GTF2H3: variants seen among roughly 807,000 people sequenced by gnomAD.
GTF2H3 encodes general transcription factor IIH subunit 3.
A neutral mutation model predicts 51.1 loss-of-function variants in GTF2H3; 42 were observed. The observed-to-expected ratio is 0.82, with a 90% CI of 0.64 to 1.06. GTF2H3 has a LOEUF of 1.06. Among genes scored for constraint, GTF2H3 ranks in the 50% least tolerant of loss-of-function variants. The pLI, the probability that GTF2H3 is intolerant of heterozygous loss-of-function variation, is 0.00. For missense variants in GTF2H3, 326 were observed against 366.1 expected (o/e 0.89, Z 0.89); for synonymous variants, 123 against 123.8 (o/e 0.99, Z 0.04).
intron 2 of GTF2H3, among the ~76,000 whole-genome samples, chr12:123,642,918 A>G (rs1955397932): frequency 6.6e-6 from 1 of 152,156 alleles, no homozygotes; most frequent in African/African-American, 2.4e-5. Flanking sequence ...TCTGTCGCCC[A>G]GGCTGGAGTG....
At chr12:123,659,727 G>A (rs1175240010) in intron 10 of GTF2H3, 68 bp from the exon 11 acceptor site, 1 of 1,540,292 alleles carries the variant, frequency 6.5e-7, no homozygotes, top group Non-Finnish European at 8.9e-7. Context: ...AGGCCTAGAA[G>A]GGTGGGCTTC....
At chr12:123,640,198 C>G (rs1955349199) in intron 2 of GTF2H3, among the ~76,000 whole-genome samples, 1 of 152,096 alleles carries the variant, frequency 6.6e-6, no homozygotes, top group Non-Finnish European at 1.5e-5. Flanking sequence ...TGGTCCCACT[C>G]TCGACCACAC....
rs370136944 is a variant in GTF2H3, at chr12:123,657,550, A to C, written c.615+1726A>C. 7.9e-5 allele frequency among the ~76,000 whole-genome samples: 12 copies of C among 152,308 alleles called. No homozygotes were observed. The East Asian group carries it at 1.2e-3, about 15-fold the overall frequency. ...TACTTCTGTGCCACCTCCTCAGAGAAGCCTTCCCTGACCACCATTGTTAGT... is the reference window on the plus strand; with the variant it reads ...TACTTCTGTGCCACCTCCTCAGAGACGCCTTCCCTGACCACCATTGTTAGT... On this transcript the variant is annotated intron_variant, in intron 9 of 12. Coordinates refer to ENST00000543341, the MANE Select transcript of GTF2H3 (RefSeq NM_001516.5).
chr12:123,645,575 GAT>G lies in GTF2H3; in HGVS notation c.200+15_200+16del. The G allele has an allele frequency of 1.5e-6, 2 of 1,356,914 alleles. No individual in the cohort carries two copies. 84.1% of individuals were successfully genotyped at this position (1,356,914 alleles called of 1,614,324 possible). Reference sequence around the variant, plus strand: ...CATTCAAGAAAGGTATGACCATTGTGATTGCTTTTGCTCTTCAGTGCTTAATA... The same window carrying G: ...CATTCAAGAAAGGTATGACCATTGTGTGCTTTTGCTCTTCAGTGCTTAATA... On this transcript the variant is annotated intron_variant, in intron 3 of 12. Coordinates refer to ENST00000543341, the MANE Select transcript of GTF2H3 (RefSeq NM_001516.5).
In GTF2H3 at chr12:123,652,574, G is replaced by A. The variant is rs763007606; in HGVS notation, c.457+13G>A. ...AAGGAAGTTAAAGGTAAGAGCCTACGTTTTCCTATGAGAACTGTAATCCTA... is the reference window on the plus strand; with the variant it reads ...AAGGAAGTTAAAGGTAAGAGCCTACATTTTCCTATGAGAACTGTAATCCTA... On this transcript the variant is annotated intron_variant, in intron 6 of 12. Transcript: ENST00000543341. The A allele has an allele frequency of 1.3e-5, 20 of 1,501,860 alleles. No individual in the cohort carries two copies. The highest frequency in any genetic ancestry group is 1.3e-4 in the African/African-American group (9 of 71,094). The allele number at this position is 1,501,860 out of a possible 1,614,324, so 93.0% of individuals were successfully genotyped here.
At chr12:123,647,343 A>C (rs1015593842) in intron 3 of GTF2H3, among the ~76,000 whole-genome samples, 3 of 148,630 alleles carry the variant, frequency 2.0e-5, no homozygotes, top group Non-Finnish European at 4.5e-5. Flanking sequence ...GTGGTGGTAC[A>C]CTCCTGTAAT....
intron 9 of GTF2H3, among the ~76,000 whole-genome samples, chr12:123,658,448 G>A (rs1566234225): frequency 6.6e-6 from 1 of 152,160 alleles, no homozygotes; most frequent in East Asian, 1.9e-4. Flanking sequence ...TCGAACTCCT[G>A]ACCTCAAGTG....
Position 123,651,806 on chromosome 12 carries a change from C to T in GTF2H3, c.428-726C>T, listed in dbSNP as rs566886240. Reference sequence around the variant, plus strand: ...CTGCACTCCAGCCTGGGCGACAAAGCGAGACTACATCTCAAAAAAAAAAAA... The same window carrying T: ...CTGCACTCCAGCCTGGGCGACAAAGTGAGACTACATCTCAAAAAAAAAAAA... On this transcript the variant is annotated intron_variant, in intron 5 of 12. Transcript: ENST00000543341. 1.8e-4 allele frequency among the ~76,000 whole-genome samples: 27 copies of T among 146,430 alleles called. No homozygotes were observed. The South Asian group carries it at 4.7e-3, about 26-fold the overall frequency.
rs2135804536 is a variant in GTF2H3 at position 123,661,182 on chromosome 12, C to G, written c.*947C>G. 1 of 152,186 alleles carries G rather than the reference C, an allele frequency of 6.6e-6. No individual in the cohort carries two copies. The highest frequency in any genetic ancestry group is 1.5e-5 in the Non-Finnish European group (1 of 68,020). 9.4% of individuals were successfully genotyped at this position (152,186 alleles called of 1,614,324 possible). A position where few individuals can be genotyped will look rare whatever the true frequency, so the allele number is the denominator to read the frequency against. On this transcript the variant is annotated 3_prime_UTR_variant, in exon 13 of 13. Transcript: ENST00000543341. ...GTTCTCTAGAAGCTTTGGACTGAAT[C>G]CCAAAAGTGTTTATAAGTTCAAAAG... is the stretch of plus-strand genomic sequence containing the variant.
rs1186453872 is a variant in GTF2H3, at chr12:123,662,284, A to G, written c.*2049A>G. 8 of 152,166 alleles carry G rather than the reference A, an allele frequency of 5.3e-5. No individual in the cohort carries two copies. The highest frequency in any genetic ancestry group is 4.1e-4 in the South Asian group (2 of 4,834). The allele number at this position is 152,166 out of a possible 1,614,324, so 9.4% of individuals were successfully genotyped here. On this transcript the variant is annotated 3_prime_UTR_variant, in exon 13 of 13. Coordinates refer to ENST00000543341, the MANE Select transcript of GTF2H3 (RefSeq NM_001516.5). ...GCTTAGATAATTTCAGATAGATTTT[A>G]TATTCTGGATTTGTGTTTTTGTTAA...
chr12:123,636,189 T>C (rs1354940756), intron 1 of GTF2H3, among the ~76,000 whole-genome samples: 1 of 152,156 alleles, frequency 6.6e-6, no homozygotes, highest in Non-Finnish European at 1.5e-5. Context: ...CATCTTATAA[T>C]TGATGAAAAA....
chr12:123,645,362 A>G, intron 2 of GTF2H3, 93 bp from the exon 3 acceptor site: 1 of 709,280 alleles, frequency 1.4e-6, no homozygotes, highest in South Asian at 1.7e-5. Context: ...GAGCCACTGC[A>G]CCCAGCCTAA....
At position 123,659,594 on chromosome 12, in the gene GTF2H3, C is replaced by T. The variant is rs1309928875; in HGVS notation, c.684+10C>T. 6.8e-6 allele frequency: 11 copies of T among 1,613,008 alleles called. No individual in the cohort carries two copies. In the South Asian group the frequency reaches 1.2e-4, roughly 18 times the overall value. ...TCTGCAGTATTTGCTGGTAAGGAGA[C>T]AGCAGCGGCGACCCTGATGCCTGGA... On this transcript the variant is annotated intron_variant, in intron 10 of 12. Coordinates refer to ENST00000543341, the MANE Select transcript of GTF2H3 (RefSeq NM_001516.5).
rs750808915 is a variant in GTF2H3, at chr12:123,645,546, GTCA to G, written c.186_188del (p.His63del). 8.9e-6 allele frequency: 14 copies of G among 1,579,586 alleles called. No individual in the cohort carries two copies. The South Asian group carries it at 1.6e-4, about 18-fold the overall frequency. On this transcript the variant is annotated inframe_deletion, in exon 3 of 13. Coordinates refer to ENST00000543341, the MANE Select transcript of GTF2H3 (RefSeq NM_001516.5). ...TCCAACAAACTTGCTGTGATAGCAA[GTCA>G]CATTCAAGAAAGGTATGACCATTGT...
chr12:123,653,949 A>T (rs919848444), intron 7 of GTF2H3, among the ~76,000 whole-genome samples: 18 of 152,216 alleles, frequency 1.2e-4, no homozygotes, highest in African/African-American at 4.3e-4. Context: ...AGAACTGGAA[A>T]CTGCTTAAAT....
chr12:123,644,313 T>G (rs1305165244), intron 2 of GTF2H3, among the ~76,000 whole-genome samples: 1 of 152,142 alleles, frequency 6.6e-6, no homozygotes, highest in African/African-American at 2.4e-5. Context: ...ATAATATTAG[T>G]TCTTGTGGGA....
chr12:123,652,041 G>T (rs1476955411), intron 5 of GTF2H3, among the ~76,000 whole-genome samples: 1 of 152,290 alleles, frequency 6.6e-6, no homozygotes, highest in East Asian at 1.9e-4. Flanking sequence ...GAGCCCTGAA[G>T]CTTAATAAAT....
chr12:123,653,483 A>G (rs1955544727), intron 7 of GTF2H3, among the ~76,000 whole-genome samples: 1 of 151,992 alleles, frequency 6.6e-6, no homozygotes, highest in Non-Finnish European at 1.5e-5. Flanking sequence ...AACATGGTGA[A>G]ACCCCGTCTC....
chr12:123,651,353 A>G (rs1228222502), intron 5 of GTF2H3, among the ~76,000 whole-genome samples: 2 of 152,114 alleles, frequency 1.3e-5, no homozygotes, highest in East Asian at 3.9e-4. Flanking sequence ...TGGTACAGGC[A>G]CCCGCCATCA....
Sources: allele counts gnomAD v4.1 joint callset (sites outside exome capture counted in the v4.1 genomes callset), GRCh38; gene constraint gnomAD v4.1.1; transcripts MANE v1.5; gene names NCBI Gene and HGNC (gene_info 2026-07-23, HGNC 2026-07-21).